The following XKR6 variants were observed in gnomAD, a reference collection of about 807,000 sequenced individuals.
XKR6 encodes XK-related protein 6.
XKR6 carries 22 observed loss-of-function variants against 56.7 expected under a neutral mutation model. The observed-to-expected ratio is 0.39, with a 90% CI of 0.28 to 0.55. The LOEUF is 0.55. Among genes scored for constraint, XKR6 ranks in the 20% least tolerant of loss-of-function variants. The pLI, the probability that XKR6 is intolerant of heterozygous loss-of-function variation, is 0.66. For missense variants in XKR6, 852 were observed against 889.0 expected (o/e 0.96, Z 0.53); for synonymous variants, 524 against 387.8 (o/e 1.35, Z -4.13).
At chr8:10,982,528 G>A (rs1355741248) in intron 1 of XKR6, among the ~76,000 whole-genome samples, 1 of 152,166 alleles carries the variant, frequency 6.6e-6, no homozygotes, top group Non-Finnish European at 1.5e-5. Flanking sequence ...CACCTCCCAG[G>A]CTGAGAAGGA....
At chr8:11,140,859 C>G (rs1053731605) in intron 1 of XKR6, among the ~76,000 whole-genome samples, 4 of 140,570 alleles carry the variant, frequency 2.8e-5, no homozygotes, top group Non-Finnish European at 6.0e-5. Flanking sequence ...GATCGCACTA[C>G]TGGACTCCAG....
chr8:11,112,129 T>G (rs1178971566), intron 1 of XKR6, among the ~76,000 whole-genome samples: 3 of 152,218 alleles, frequency 2.0e-5, no homozygotes, highest in African/African-American at 7.2e-5. Flanking sequence ...ATAGAGTATT[T>G]ACTGGGTCAA....
intron 1 of XKR6, among the ~76,000 whole-genome samples, chr8:11,020,577 G>A (rs1259404727): frequency 1.3e-5 from 2 of 152,190 alleles, no homozygotes; most frequent in African/African-American, 4.8e-5. Flanking sequence ...CTTTGACAGA[G>A]AGAAGCCTTT....
chr8:11,001,057 C>T (rs886681815), intron 1 of XKR6, among the ~76,000 whole-genome samples: 6 of 152,188 alleles, frequency 3.9e-5, no homozygotes, highest in African/African-American at 9.7e-5. Context: ...GATTTAGGAG[C>T]GAAAATGCAG....
intron 1 of XKR6, among the ~76,000 whole-genome samples, chr8:11,116,122 A>G (rs537629082): frequency 1.1e-4 from 16 of 152,212 alleles, no homozygotes; most frequent in Non-Finnish European, 2.1e-4. Context: ...ATTTTGCTGC[A>G]TTCAAATTTT....
chr8:11,052,210 C>T (rs1446503965), intron 1 of XKR6, among the ~76,000 whole-genome samples: 1 of 152,090 alleles, frequency 6.6e-6, no homozygotes, highest in Admixed American at 6.5e-5. Context: ...TGGAAGGCTT[C>T]TTGGATCTGA....
chr8:10,923,332 C>G (rs1402640375), intron 2 of XKR6, among the ~76,000 whole-genome samples: 1 of 152,064 alleles, frequency 6.6e-6, no homozygotes, highest in African/African-American at 2.4e-5. Context: ...TGGACAGATA[C>G]CCTGGGGCCC....
At chr8:11,020,685 T>C (rs566059210) in intron 1 of XKR6, among the ~76,000 whole-genome samples, 1 of 152,344 alleles carries the variant, frequency 6.6e-6, no homozygotes, top group East Asian at 1.9e-4. Context: ...TTGGCATTCA[T>C]GGGCTATGGC....
chr8:11,162,673 G>A (rs989537747), intron 1 of XKR6, among the ~76,000 whole-genome samples: 1 of 152,186 alleles, frequency 6.6e-6, no homozygotes, highest in African/African-American at 2.4e-5. Context: ...TCCAACTTCT[G>A]ACTTTCTAAA....
At chr8:10,998,833 C>T (rs1798173982) in intron 1 of XKR6, among the ~76,000 whole-genome samples, 1 of 152,230 alleles carries the variant, frequency 6.6e-6, no homozygotes, top group Non-Finnish European at 1.5e-5. Flanking sequence ...AGATTCTGTT[C>T]CTTCTGCCTC....
chr8:11,008,103 A>T (rs936038345), intron 1 of XKR6, among the ~76,000 whole-genome samples: 3 of 152,088 alleles, frequency 2.0e-5, no homozygotes, highest in African/African-American at 7.2e-5. Flanking sequence ...CACCTGGGGG[A>T]AGGCTGCCAC....
intron 1 of XKR6, chr8:11,124,486 A>G (rs1586579509): frequency 6.1e-6 from 1 of 163,216 alleles, no homozygotes; most frequent in African/African-American, 2.4e-5. Flanking sequence ...CATGGGCTCC[A>G]TAGAATTAGA....
chr8:10,955,373 G>T (rs758292802), intron 1 of XKR6, among the ~76,000 whole-genome samples: 1 of 152,066 alleles, frequency 6.6e-6, no homozygotes, highest in Non-Finnish European at 1.5e-5. Context: ...TACAGACAAA[G>T]TGTCACTATG....
intron 1 of XKR6, among the ~76,000 whole-genome samples, chr8:11,122,630 G>T (rs1799512670): frequency 6.6e-6 from 1 of 152,188 alleles, no homozygotes. Flanking sequence ...CAATTCTTTA[G>T]GTATCAGGCC....
intron 1 of XKR6, among the ~76,000 whole-genome samples, chr8:11,121,835 C>T (rs1393224057): frequency 6.6e-6 from 1 of 152,200 alleles, no homozygotes; most frequent in African/African-American, 2.4e-5. Context: ...CACATATACA[C>T]AATGGAATAC....
chr8:11,191,374 C>T (rs575152030), intron 1 of XKR6, among the ~76,000 whole-genome samples: 1 of 152,184 alleles, frequency 6.6e-6, no homozygotes, highest in East Asian at 1.9e-4. Context: ...AACATATGAC[C>T]CCACAAGTTA....
At chr8:10,974,114 G>C (rs923583890) in intron 1 of XKR6, among the ~76,000 whole-genome samples, 4 of 152,204 alleles carry the variant, frequency 2.6e-5, no homozygotes, top group Admixed American at 2.6e-4. Context: ...TTCTCTCTCA[G>C]TTGGCTCTGT....
intron 1 of XKR6, among the ~76,000 whole-genome samples, chr8:10,971,433 ATTAATTTAAT>A (rs768644281): frequency 4.6e-5 from 7 of 152,204 alleles, no homozygotes; most frequent in South Asian, 2.1e-4. Context: ...AAAGTAATTA[ATTAATTTAAT>A]TTAATTTAAT....
chr8:10,960,374 C>T (rs1002838515), intron 1 of XKR6, among the ~76,000 whole-genome samples: 1 of 152,184 alleles, frequency 6.6e-6, no homozygotes, highest in African/African-American at 2.4e-5. Flanking sequence ...ACGGTCATAG[C>T]GTTACCCTGG....
Sources: allele counts gnomAD v4.1 joint callset (sites outside exome capture counted in the v4.1 genomes callset), GRCh38; gene constraint gnomAD v4.1.1; transcripts MANE v1.5; gene names NCBI Gene and HGNC (gene_info 2026-07-23, HGNC 2026-07-21).